Variants in IL1RAPL1 observed in about 807,000 individuals in gnomAD.
IL1RAPL1 encodes the protein interleukin-1 receptor accessory protein-like 1.
A neutral mutation model predicts 48.4 loss-of-function variants in IL1RAPL1; 3 were observed. The ratio of observed to expected loss-of-function variants is 0.06; its 90% CI spans 0.03 to 0.16. The LOEUF (loss-of-function observed/expected upper bound fraction) is 0.16, where lower values mean the gene tolerates loss of function less well. Among genes scored for constraint, IL1RAPL1 ranks in the 10% least tolerant of loss-of-function variants. The pLI is 1.00. For synonymous variants in IL1RAPL1, 185 were observed against 187.7 expected (o/e 0.99, Z 0.12); for missense variants, 349 against 530.6 (o/e 0.66, Z 3.36).
At position 29,636,804 on chromosome X, in the gene IL1RAPL1, C is replaced by T. The variant is rs964532579; in HGVS notation, c.704-31626C>T. Among the ~76,000 whole-genome samples the T allele has an allele frequency of 5.4e-5, 6 of 111,483 alleles. No individual in the cohort carries two copies. The East Asian group carries it at 1.1e-3, about 21-fold the overall frequency. On this transcript the variant is annotated intron_variant, in intron 5 of 10. Coordinates refer to ENST00000378993, the MANE Select transcript of IL1RAPL1 (RefSeq NM_014271.4). ...CTGTAATCCCAGCACTTTGGGAGGC[C>T]GAGGTGGGTGGATCACCTGAGGTCA...
intron 3 of IL1RAPL1, among the ~76,000 whole-genome samples, chrX:29,321,273 A>G (rs1350549027): frequency 4.5e-5 from 5 of 112,002 alleles, no homozygotes; most frequent in Non-Finnish European, 9.4e-5. Context: ...GCCCACAGAC[A>G]GAAAGAAAAT....
rs951435501 is a variant in IL1RAPL1 at position 29,707,982 on chromosome X, GA to G, written c.778+39486del. 2.3e-4 allele frequency among the ~76,000 whole-genome samples: 25 copies of G among 107,933 alleles called. 1 individual carries two copies. Among genetic ancestry groups the G allele is most frequent in the Middle Eastern group, 4.8e-3 (1 of 207 alleles). 93.7% of individuals were successfully genotyped at this position (107,933 alleles called of 115,157 possible). A position where few individuals can be genotyped will look rare whatever the true frequency, so the allele number is the denominator to read the frequency against. On this transcript the variant is annotated intron_variant, in intron 6 of 10. Transcript: ENST00000378993. ...ATAAAATAAAATAAATATATAACAG[GA>G]AAAAAAATTGCTTTTTTTCCCAGTT...
intron 1 of IL1RAPL1, among the ~76,000 whole-genome samples, chrX:28,640,178 A>G (rs968123595): frequency 9.8e-5 from 11 of 111,802 alleles, no homozygotes; most frequent in African/African-American, 3.6e-4. Context: ...TGAACGTTGC[A>G]TACTATGAAT....
intron 1 of IL1RAPL1, among the ~76,000 whole-genome samples, chrX:28,598,893 G>A (rs1473108219): frequency 4.6e-5 from 5 of 108,146 alleles, no homozygotes; most frequent in Non-Finnish European, 9.6e-5. Context: ...CTCCCAAAGT[G>A]CTGGGATTAC....
At chrX:29,722,144 C>G (rs958282390) in intron 6 of IL1RAPL1, among the ~76,000 whole-genome samples, 2 of 111,229 alleles carry the variant, frequency 1.8e-5, no homozygotes, top group African/African-American at 6.5e-5. Context: ...TATAGTCAAC[C>G]AAATTAACAT....
chrX:29,317,999 A>T (rs1358563831), intron 3 of IL1RAPL1, among the ~76,000 whole-genome samples: 1 of 111,916 alleles, frequency 8.9e-6, no homozygotes, highest in East Asian at 2.8e-4. Flanking sequence ...AATGAGTCTC[A>T]AATAGGGTAA....
At chrX:28,990,272 T>G (rs965642874) in intron 2 of IL1RAPL1, among the ~76,000 whole-genome samples, 22 of 112,072 alleles carry the variant, frequency 2.0e-4, no homozygotes, top group African/African-American at 7.1e-4. Flanking sequence ...TCTGTCCAAC[T>G]TCTGAGCCCA....
intron 2 of IL1RAPL1, among the ~76,000 whole-genome samples, chrX:28,941,799 A>C (rs778081834): frequency 9.0e-6 from 1 of 110,585 alleles, no homozygotes; most frequent in African/African-American, 3.3e-5. Context: ...CTTCAGGGAA[A>C]TACTTGTTTT....
At chrX:29,011,305 T>C (rs1926117149) in intron 2 of IL1RAPL1, among the ~76,000 whole-genome samples, 1 of 112,275 alleles carries the variant, frequency 8.9e-6, no homozygotes, top group East Asian at 2.8e-4. Flanking sequence ...AAAGCATATG[T>C]CTATCCAGAG....
chrX:29,851,138 T>C (rs1931359490), intron 6 of IL1RAPL1, among the ~76,000 whole-genome samples: 1 of 111,691 alleles, frequency 9.0e-6, no homozygotes, highest in African/African-American at 3.3e-5. Context: ...AAGACCCTCA[T>C]ATATACAGTC....
At chrX:29,437,425 T>A (rs901704668) in intron 5 of IL1RAPL1, among the ~76,000 whole-genome samples, 2 of 110,849 alleles carry the variant, frequency 1.8e-5, no homozygotes, top group South Asian at 3.7e-4. Context: ...TTACACAGAC[T>A]AGATCTTTCA....
At chrX:29,017,061 C>G (rs67540885) in intron 2 of IL1RAPL1, among the ~76,000 whole-genome samples, 4,885 of 111,630 alleles carry the variant, frequency 0.044, 111 homozygotes, top group African/African-American at 0.064. Flanking sequence ...TTCCTTTATT[C>G]TGAACATTGG....
chrX:29,784,500 T>G (rs1356295821), intron 6 of IL1RAPL1, among the ~76,000 whole-genome samples: 1 of 111,800 alleles, frequency 8.9e-6, no homozygotes, highest in East Asian at 2.8e-4. Context: ...TTGTATGTTA[T>G]AAGCATGCTA....
chrX:28,828,458 GT>G (rs778579530), intron 2 of IL1RAPL1, among the ~76,000 whole-genome samples: 1 of 110,961 alleles, frequency 9.0e-6, no homozygotes, highest in Non-Finnish European at 1.9e-5. Flanking sequence ...TGACTTGAGA[GT>G]TTTTTTTAGT....
At chrX:28,685,035 A>G (rs1049569572) in intron 1 of IL1RAPL1, among the ~76,000 whole-genome samples, 9 of 111,926 alleles carry the variant, frequency 8.0e-5, no homozygotes, top group Non-Finnish European at 1.5e-4. Context: ...AGACTGAAGA[A>G]TTGATGGGAG....
At chrX:28,862,170 G>A (rs953134568) in intron 2 of IL1RAPL1, among the ~76,000 whole-genome samples, 2 of 112,087 alleles carry the variant, frequency 1.8e-5, no homozygotes, top group Admixed American at 1.9e-4. Flanking sequence ...ACCGTCAACA[G>A]ATATTCTTTA....
intron 2 of IL1RAPL1, among the ~76,000 whole-genome samples, chrX:29,018,649 T>A (rs765624486): frequency 8.0e-5 from 9 of 112,253 alleles, no homozygotes; most frequent in Non-Finnish European, 1.5e-4. Context: ...GGAAATGATC[T>A]TCTCAGATTT....
intron 5 of IL1RAPL1, among the ~76,000 whole-genome samples, chrX:29,402,669 G>C (rs1455826094): frequency 9.0e-6 from 1 of 111,435 alleles, no homozygotes; most frequent in Non-Finnish European, 1.9e-5. Context: ...AGTTTATTTA[G>C]ATTTCTGTGC....
chrX:28,907,965 G>A (rs780685164), intron 2 of IL1RAPL1, among the ~76,000 whole-genome samples: 1 of 111,731 alleles, frequency 9.0e-6, no homozygotes, highest in Non-Finnish European at 1.9e-5. Flanking sequence ...ATGAGTTTGT[G>A]TCTTTCAAGG....
Sources: allele counts gnomAD v4.1 joint callset (sites outside exome capture counted in the v4.1 genomes callset), GRCh38; gene constraint gnomAD v4.1.1; transcripts MANE v1.5; gene names NCBI Gene and HGNC (gene_info 2026-07-23, HGNC 2026-07-21).